Variants in ZNF560 observed in about 807,000 individuals in gnomAD.
The protein encoded by ZNF560 is zinc finger protein 560.
Under a neutral mutation model 81.8 loss-of-function variants are expected in ZNF560, and 54 were observed. The observed-to-expected ratio is 0.66, with a 90% CI of 0.53 to 0.83. ZNF560 has a LOEUF of 0.83. Among genes scored for constraint, ZNF560 ranks in the 40% least tolerant of loss-of-function variants. The pLI is 0.00. For missense variants in ZNF560, 940 were observed against 932.4 expected (o/e 1.01, Z -0.11); for synonymous variants, 321 against 317.9 (o/e 1.01, Z -0.10).
intron 5 of ZNF560, 24 bp downstream of exon 5, chr19:9,473,155 A>G (rs772339512): frequency 2.9e-5 from 46 of 1,600,712 alleles, no homozygotes; most frequent in Non-Finnish European, 3.9e-5. Context: ...TCACTGACCA[A>G]GGTTGTTCTT....
chr19:9,470,663 T>C, intron 6 of ZNF560, 145 bp from the exon 7 acceptor site: 1 of 1,036,082 alleles, frequency 9.7e-7, no homozygotes, highest in South Asian at 1.5e-5. Context: ...CCCTAGGAAC[T>C]CTTCTATCCA....
the ZNF560 span, among the ~76,000 whole-genome samples, chr19:9,505,912 C>T: frequency 6.6e-6 from 1 of 151,990 alleles, no homozygotes; most frequent in South Asian, 2.1e-4. Context: ...GATCTGCCCA[C>T]CTCACCCTCC....
chr19:9,485,159 C>T (rs2073365100), intron 2 of ZNF560, among the ~76,000 whole-genome samples: 1 of 152,148 alleles, frequency 6.6e-6, no homozygotes, highest in African/African-American at 2.4e-5. Context: ...TTATATAAGA[C>T]ATCTAAGAAT....
chr19:9,465,925 C>A (rs762484691), downstream of ZNF560, among the ~76,000 whole-genome samples: 6 of 151,966 alleles, frequency 3.9e-5, no homozygotes, highest in African/African-American at 1.5e-4. Context: ...ACCCAGGAGG[C>A]GGAGGTTGCA....
the ZNF560 span, among the ~76,000 whole-genome samples, chr19:9,446,084 T>G: frequency 1.3e-5 from 2 of 152,082 alleles, no homozygotes; most frequent in South Asian, 2.1e-4. Flanking sequence ...CCAGAGGGCT[T>G]CTTCTGGAAC....
downstream of ZNF560, among the ~76,000 whole-genome samples, chr19:9,463,795 A>C (rs554915235): frequency 6.6e-6 from 1 of 152,142 alleles, no homozygotes; most frequent in Non-Finnish European, 1.5e-5. Context: ...TGAGACACCT[A>C]TCTCAGCCTC....
chr19:9,491,295 C>CTTTT (rs1490159394), intron 2 of ZNF560, among the ~76,000 whole-genome samples: 1 of 151,824 alleles, frequency 6.6e-6, no homozygotes, highest in Non-Finnish European at 1.5e-5. Flanking sequence ...TTCTTTTAAT[C>CTTTT]TTTTTTGGTA....
chr19:9,490,476 G>A lies in ZNF560; in HGVS notation c.-57+7652C>T, dbSNP rs578203187. Among the ~76,000 whole-genome samples, 36 of 152,220 alleles carry A rather than the reference G, an allele frequency of 2.4e-4. 1 individual carries two copies. In the South Asian group the frequency reaches 4.6e-3, roughly 19 times the overall value. On this transcript the variant is annotated intron_variant, in intron 2 of 9. Coordinates refer to ENST00000301480, the MANE Select transcript of ZNF560 (RefSeq NM_152476.3). ...GGTGTTAGCAAACTGATCACATTTC[G>A]TCACTAGCATGAAACAGATAAGAAC...
the ZNF560 span, among the ~76,000 whole-genome samples, chr19:9,455,865 G>A: frequency 6.6e-6 from 1 of 152,096 alleles, no homozygotes; most frequent in African/African-American, 2.4e-5. Context: ...TAAAGGAAAT[G>A]CTCCATTTCC....
Position 9,473,231 on chromosome 19 carries a change from G to A in ZNF560, c.186C>T (p.Ile62=). ...VGFQLFKPSV[I]SWLEEEELRT... ...TCAACTCTTCTTCTTCCAACCAAGA[G>A]ATGACACTGGGTTTAAAGAGCTGAA... Residue 62 remains isoleucine (I), a synonymous_variant, in exon 5 of 10, where the codon ATC becomes ATT. Transcript: ENST00000301480. The A allele has an allele frequency of 6.2e-7, 1 of 1,612,354 alleles. No individual in the cohort carries two copies. Among genetic ancestry groups the A allele is most frequent in the Non-Finnish European group, 8.5e-7 (1 of 1,179,314 alleles).
intron 7 of ZNF560, 77 bp from the exon 8 acceptor site, chr19:9,469,787 C>T (rs1350838035): frequency 2.3e-5 from 29 of 1,234,524 alleles, no homozygotes; most frequent in Admixed American, 1.7e-5. Context: ...ACAGGGACTA[C>T]GTTTCTAATT....
At chr19:9,454,258 A>G in the ZNF560 span, among the ~76,000 whole-genome samples, 1 of 152,210 alleles carries the variant, frequency 6.6e-6, no homozygotes, top group African/African-American at 2.4e-5. Context: ...AGTTGGGTCA[A>G]ACTCTGTTTG....
At chr19:9,470,592 G>A in intron 6 of ZNF560, 74 bp from the exon 7 acceptor site, 1 of 1,609,680 alleles carries the variant, frequency 6.2e-7, no homozygotes. Flanking sequence ...TGAGGAAGGG[G>A]GACCCAATCC....
At chr19:9,461,408 C>G (rs1427210560), downstream of ZNF560, among the ~76,000 whole-genome samples, 1 of 152,164 alleles carries the variant, frequency 6.6e-6, no homozygotes, top group African/African-American at 2.4e-5. Flanking sequence ...CCCTCTCCCT[C>G]TGTACATATT....
chr19:9,457,405 G>C, the ZNF560 span, among the ~76,000 whole-genome samples: 108,345 of 152,128 alleles, frequency 0.71, 39,447 homozygotes, highest in African/African-American at 0.85. Flanking sequence ...CAACTTGCAG[G>C]CTGCTAAGCG....
Position 9,468,123 on chromosome 19 carries a change from C to A in ZNF560, c.824G>T (p.Arg275Leu). 2 of 1,613,954 alleles carry A rather than the reference C, an allele frequency of 1.2e-6. No homozygotes were observed. Among genetic ancestry groups the A allele is most frequent in the Non-Finnish European group, 1.7e-6 (2 of 1,179,974 alleles). The stretch of plus-strand genomic sequence containing the variant: ...CTGGACCTGAACATTTAAAATCAGG[C>A]GGAAAGATTTTCCATGCTTACTGAA... ...SVFSKHGKSF[R>L]LILNVQVQRK... is the part of the protein sequence containing the mutation. Residue 275 changes from arginine (R) to leucine (L), a missense_variant, in exon 10 of 10, where the codon CGC becomes CTC. Physicochemically the swap from Arg to Leu is moderately radical, Grantham distance 102. Transcript: ENST00000301480.
chr19:9,447,083 A>G, the ZNF560 span, among the ~76,000 whole-genome samples: 161 of 151,040 alleles, frequency 1.1e-3, 1 homozygote, highest in Non-Finnish European at 2.2e-3. Context: ...GCAGTGGGCC[A>G]AGATCACGCC....
upstream of ZNF560, among the ~76,000 whole-genome samples, chr19:9,499,033 A>T (rs2073607921): frequency 6.6e-6 from 1 of 152,164 alleles, no homozygotes; most frequent in African/African-American, 2.4e-5. Flanking sequence ...GCATTCGATC[A>T]CGTCTTTAGA....
chr19:9,466,599 C>T lies in ZNF560; in HGVS notation c.2348G>A (p.Arg783His), dbSNP rs751597194. The T allele has an allele frequency of 1.4e-5, 22 of 1,604,496 alleles. No individual in the cohort carries two copies. Among genetic ancestry groups the T allele is most frequent in the African/African-American group, 8.0e-5 (6 of 74,552 alleles). The change falls in exon 10 of 10, where the codon CGT (arginine) becomes CAT (histidine). Residue 783 changes from arginine (R) to histidine (H), a missense_variant. Arg to His is a conservative substitution (Grantham distance 29). Coordinates refer to ENST00000301480, the MANE Select transcript of ZNF560 (RefSeq NM_152476.3). ...CGKAFASFSA[R>H]IAHLKTH The stretch of plus-strand genomic sequence containing the variant: ...CTAGTGTGTTTTCAAATGTGCAATA[C>T]GAGCTGAGAAAGAAGCAAAGGCTTT...
Sources: gnomAD v4.1 joint callset for allele counts (sites outside exome capture counted in the v4.1 genomes callset) on GRCh38, gnomAD v4.1.1 for gene constraint, MANE v1.5 for transcripts, NCBI Gene and HGNC (gene_info 2026-07-23, HGNC 2026-07-21) for gene names.